Variants in ATP9B observed in about 807,000 individuals in gnomAD.
The protein encoded by ATP9B is ATPase phospholipid transporting 9B.
ATP9B carries 110 observed loss-of-function variants against 146.1 expected under a neutral mutation model. That is an observed-to-expected ratio of 0.75 (90% CI 0.65 to 0.88). ATP9B has a LOEUF of 0.88. ATP9B is among the 40% of genes least tolerant of loss of function. The pLI, the probability that ATP9B is intolerant of heterozygous loss-of-function variation, is 0.00. For synonymous variants in ATP9B, 604 were observed against 569.7 expected, an observed-to-expected ratio of 1.06 and a Z score of -0.86; for missense variants, 1,499 against 1,496.4, an observed-to-expected ratio of 1.00 and a Z score of -0.03.
rs577193686 is a variant in ATP9B at position 79,270,157 on chromosome 18, T to C, written c.1269-6897T>C. On this transcript the variant is annotated intron_variant, in intron 12 of 29. Transcript: ENST00000426216. Reference sequence around the variant, plus strand: ...CTTAAATTGCATAAATCAGTATTTATTTATTTTTAAACTAAAAGTGCTAGC... The same window carrying C: ...CTTAAATTGCATAAATCAGTATTTACTTATTTTTAAACTAAAAGTGCTAGC... Among the ~76,000 whole-genome samples, 5 of 152,358 alleles carry C rather than the reference T, an allele frequency of 3.3e-5. No individual in the cohort carries two copies. In the South Asian group the frequency reaches 1.0e-3, roughly 32 times the overall value.
intron 13 of ATP9B, among the ~76,000 whole-genome samples, chr18:79,281,064 A>C (rs567943737): frequency 6.6e-6 from 1 of 152,218 alleles, no homozygotes; most frequent in South Asian, 2.1e-4. Context: ...AGTAAAATAA[A>C]TTCAAGGAAA....
At chr18:79,295,555 C>A (rs1397966437) in intron 13 of ATP9B, among the ~76,000 whole-genome samples, 3 of 152,194 alleles carry the variant, frequency 2.0e-5, no homozygotes, top group Non-Finnish European at 4.4e-5. Context: ...ACCTCTCCTC[C>A]CATTTTCTTT....
At chr18:79,356,310 C>A (rs1357475890) in intron 25 of ATP9B, among the ~76,000 whole-genome samples, 1 of 151,696 alleles carries the variant, frequency 6.6e-6, no homozygotes, top group Non-Finnish European at 1.5e-5. Context: ...TGCTCCTGAG[C>A]GTTTATACCC....
In ATP9B at chr18:79,176,897, C is replaced by G; in HGVS notation, c.863C>G (p.Pro288Arg). ...GCAGTGAGCTGCACGCAACAGCTGC[C>G]GGCTCTGGGGGTGAGCAGCACCAAG... ...KVAVSCTQQL[P>R]ALGDLFSISA... Residue 288 changes from proline to arginine, a missense_variant, in exon 8 of 30, where the codon CCG (proline) becomes CGG (arginine). Physicochemically the swap from Pro to Arg is moderately radical, Grantham distance 103 (BLOSUM62 -2). Transcript: ENST00000426216. The G allele has an allele frequency of 6.2e-7, 1 of 1,613,898 alleles. No homozygotes were observed. The highest frequency in any genetic ancestry group is 8.5e-7 in the Non-Finnish European group (1 of 1,179,866).
chr18:79,142,702 A>C (rs1019483658), intron 5 of ATP9B, among the ~76,000 whole-genome samples: 4 of 152,236 alleles, frequency 2.6e-5, no homozygotes, highest in African/African-American at 9.6e-5. Context: ...AATATAAATA[A>C]AAATAGCTTC....
chr18:79,083,274 C>G (rs1015252160), intron 1 of ATP9B, among the ~76,000 whole-genome samples: 11 of 152,134 alleles, frequency 7.2e-5, no homozygotes, highest in African/African-American at 2.4e-4. Flanking sequence ...CTTGGGCATC[C>G]CAGGTTGACT....
chr18:79,291,180 T>C (rs1255514774), intron 13 of ATP9B, among the ~76,000 whole-genome samples: 1 of 152,158 alleles, frequency 6.6e-6, no homozygotes, highest in African/African-American at 2.4e-5. Context: ...TTTTTTTTTT[T>C]AAGAAATCAG....
intron 7 of ATP9B, among the ~76,000 whole-genome samples, chr18:79,172,210 C>G (rs1331128513): frequency 4.1e-5 from 6 of 145,042 alleles, no homozygotes; most frequent in Non-Finnish European, 7.6e-5. Context: ...CCGTGCCCCG[C>G]CCTTGCGATC....
chr18:79,110,514 A>G lies in ATP9B; in HGVS notation c.444+9A>G, dbSNP rs773085944. On this transcript the variant is annotated intron_variant, in intron 3 of 29. Transcript: ENST00000426216. The stretch of plus-strand genomic sequence containing the variant: ...TTACCTTTATACCTGGGGTAAGACT[A>G]TTGCATTCTTGGAGATGGGTTGTGT... 8.1e-6 allele frequency: 13 copies of G among 1,596,184 alleles called. No individual in the cohort carries two copies. Among genetic ancestry groups the G allele is most frequent in the Admixed American group, 1.7e-5 (1 of 57,940 alleles).
intron 9 of ATP9B, among the ~76,000 whole-genome samples, chr18:79,195,367 C>A (rs143959451): frequency 2.8e-4 from 42 of 152,268 alleles, no homozygotes; most frequent in African/African-American, 1.0e-3. Flanking sequence ...CCTGCCTCAG[C>A]CTTCTAAAGG....
chr18:79,276,051 A>G (rs2096305129), intron 12 of ATP9B, among the ~76,000 whole-genome samples: 1 of 152,210 alleles, frequency 6.6e-6, no homozygotes, highest in Admixed American at 6.5e-5. Flanking sequence ...AAATGTTTGA[A>G]TATCAGCAGT....
At chr18:79,229,892 T>C (rs2095773582) in intron 11 of ATP9B, among the ~76,000 whole-genome samples, 1 of 152,232 alleles carries the variant, frequency 6.6e-6, no homozygotes, top group Non-Finnish European at 1.5e-5. Flanking sequence ...TCATTTAATA[T>C]ACACTTTGAA....
intron 13 of ATP9B, among the ~76,000 whole-genome samples, chr18:79,302,194 G>T (rs2096594974): frequency 6.6e-6 from 1 of 152,148 alleles, no homozygotes. Flanking sequence ...CTGTGTCATT[G>T]TTCATACTCA....
intron 26 of ATP9B, chr18:79,372,606 C>A (rs1195419278): frequency 1.5e-6 from 1 of 663,162 alleles, no homozygotes; most frequent in Non-Finnish European, 2.8e-6. Flanking sequence ...AACGTCTAAC[C>A]TCAGGCACCA....
chr18:79,191,979 G>C (rs2095371093), intron 8 of ATP9B, among the ~76,000 whole-genome samples: 1 of 152,134 alleles, frequency 6.6e-6, no homozygotes, highest in Non-Finnish European at 1.5e-5. Flanking sequence ...TTAACTGGTA[G>C]CTAACTTGAC....
At chr18:79,205,843 G>A (rs116333269) in intron 9 of ATP9B, among the ~76,000 whole-genome samples, 3,348 of 152,182 alleles carry the variant, frequency 0.022, 129 homozygotes, top group African/African-American at 0.076. Flanking sequence ...TCGTGATACT[G>A]ATGTGTGGCC....
intron 8 of ATP9B, among the ~76,000 whole-genome samples, chr18:79,187,422 G>T (rs1052644576): frequency 1.3e-5 from 2 of 152,174 alleles, no homozygotes; most frequent in African/African-American, 4.8e-5. Flanking sequence ...ACTCAAAGGG[G>T]CACATGTCCT....
intron 5 of ATP9B, among the ~76,000 whole-genome samples, chr18:79,129,727 T>C (rs748057865): frequency 3.3e-5 from 5 of 152,058 alleles, no homozygotes; most frequent in Non-Finnish European, 7.4e-5. Flanking sequence ...CAGATTATAA[T>C]GTATGTCCAG....
intron 19 of ATP9B, among the ~76,000 whole-genome samples, chr18:79,341,020 G>A (rs185338432): frequency 6.6e-6 from 1 of 152,276 alleles, no homozygotes; most frequent in East Asian, 1.9e-4. Flanking sequence ...TCTGAGTGCC[G>A]GGCCCAGGTG....
Sources: allele counts gnomAD v4.1 joint callset (sites outside exome capture counted in the v4.1 genomes callset), GRCh38; gene constraint gnomAD v4.1.1; transcripts MANE v1.5; gene names NCBI Gene and HGNC (gene_info 2026-07-23, HGNC 2026-07-21).